Variants in EEFSEC observed in about 807,000 individuals in gnomAD.
The protein encoded by EEFSEC is eukaryotic elongation factor, selenocysteine-tRNA specific.
EEFSEC carries 43 observed loss-of-function variants against 42.1 expected under a neutral mutation model. That is an observed-to-expected ratio of 1.02 (90% CI 0.80 to 1.32). EEFSEC has a LOEUF of 1.32. Ranked by LOEUF, EEFSEC falls within the 40% of genes most tolerant of loss-of-function variation. The pLI is 0.00. For missense variants in EEFSEC, 745 were observed against 803.6 expected (o/e 0.93, Z 0.88); for synonymous variants, 354 against 339.1 (o/e 1.04, Z -0.48).
In EEFSEC at chr3:128,260,269, A is replaced by G. The variant is rs118108846; in HGVS notation, c.525-1859A>G. Among the ~76,000 whole-genome samples, 125 of 152,250 alleles carry G rather than the reference A, an allele frequency of 8.2e-4. 3 individuals are homozygous for G. The East Asian group carries it at 0.023, about 28-fold the overall frequency. On this transcript the variant is annotated intron_variant, in intron 2 of 6. Coordinates refer to ENST00000254730, the MANE Select transcript of EEFSEC (RefSeq NM_021937.5). The stretch of plus-strand genomic sequence containing the variant: ...CATGAGTTCAGTCGCTTCTTTCTTG[A>G]TGGCTTCAAGATTCTCTTTGTCTTT...
At chr3:128,394,469 A>G (rs78278710) in intron 6 of EEFSEC, among the ~76,000 whole-genome samples, 6,465 of 149,696 alleles carry the variant, frequency 0.043, 456 homozygotes, top group African/African-American at 0.15. Context: ...CATAAAAATG[A>G]CATTTTTAAT....
intron 4 of EEFSEC, among the ~76,000 whole-genome samples, chr3:128,320,566 C>A (rs1346803936): frequency 6.6e-6 from 1 of 152,190 alleles, no homozygotes; most frequent in African/African-American, 2.4e-5. Context: ...CCCAAGAAGT[C>A]TGACTTGAAA....
intron 4 of EEFSEC, among the ~76,000 whole-genome samples, chr3:128,276,324 A>G (rs1363558013): frequency 1.3e-5 from 2 of 152,204 alleles, no homozygotes; most frequent in African/African-American, 4.8e-5. Flanking sequence ...GAACCAAGGA[A>G]TTAACATTTG....
rs796457762 is a variant in EEFSEC, at chr3:128,222,058, G to A, written c.317-24778G>A. Among the ~76,000 whole-genome samples, 16 of 110,000 alleles carry A rather than the reference G, an allele frequency of 1.5e-4. No homozygotes were observed. In the South Asian group the frequency reaches 4.1e-3, roughly 28 times the overall value. 72.2% of individuals were successfully genotyped at this position (110,000 alleles called of 152,430 possible). A position where few individuals can be genotyped will look rare whatever the true frequency, so the allele number is the denominator to read the frequency against. On this transcript the variant is annotated intron_variant, in intron 1 of 6. Transcript: ENST00000254730. ...TTTTTTTTTTTTTTTTTTTGAGACA[G>A]AATCTCACTCTGTCACCCAGGCTGG...
At chr3:128,264,559 G>T in intron 3 of EEFSEC, 58 bp from the exon 4 acceptor site, 1 of 1,579,984 alleles carries the variant, frequency 6.3e-7, no homozygotes, top group Non-Finnish European at 8.6e-7. Context: ...GCCTTCCTCT[G>T]CCCTGCCCCA....
chr3:128,213,791 T>C (rs2065783076), intron 1 of EEFSEC, among the ~76,000 whole-genome samples: 1 of 152,202 alleles, frequency 6.6e-6, no homozygotes, highest in Non-Finnish European at 1.5e-5. Flanking sequence ...AGTTTTTGCT[T>C]TCTTTTTGGT....
chr3:128,334,146 G>A (rs1034910635), intron 4 of EEFSEC, among the ~76,000 whole-genome samples: 1 of 152,230 alleles, frequency 6.6e-6, no homozygotes, highest in African/African-American at 2.4e-5. Flanking sequence ...GACTGAACCT[G>A]CCTCTGCCAC....
intron 6 of EEFSEC, among the ~76,000 whole-genome samples, chr3:128,372,323 A>G (rs2067663356): frequency 6.6e-6 from 1 of 152,146 alleles, no homozygotes; most frequent in Non-Finnish European, 1.5e-5. Context: ...TGGCTTGGGC[A>G]GTTCTGTGGA....
At chr3:128,165,491 G>A (rs2065235033) in intron 1 of EEFSEC, among the ~76,000 whole-genome samples, 1 of 152,042 alleles carries the variant, frequency 6.6e-6, no homozygotes, top group African/African-American at 2.4e-5. Context: ...GCCTTTGTTG[G>A]GTGGGTAGGG....
intron 1 of EEFSEC, among the ~76,000 whole-genome samples, chr3:128,168,503 G>C (rs2065263722): frequency 6.6e-6 from 1 of 152,214 alleles, no homozygotes; most frequent in Admixed American, 6.5e-5. Flanking sequence ...GAGGCAAGAG[G>C]GTAGAGATTT....
At chr3:128,319,231 G>C (rs1048275832) in intron 4 of EEFSEC, among the ~76,000 whole-genome samples, 1 of 152,208 alleles carries the variant, frequency 6.6e-6, no homozygotes, top group African/African-American at 2.4e-5. Context: ...GAAGTAGCAG[G>C]CCAGCGGGCG....
intron 1 of EEFSEC, among the ~76,000 whole-genome samples, chr3:128,185,994 T>TA (rs2065461124): frequency 6.6e-6 from 1 of 152,214 alleles, no homozygotes; most frequent in Non-Finnish European, 1.5e-5. Flanking sequence ...AACTCTATGT[T>TA]ACCTTTATGA....
At chr3:128,363,097 G>A (rs2067547982) in intron 6 of EEFSEC, among the ~76,000 whole-genome samples, 1 of 152,236 alleles carries the variant, frequency 6.6e-6, no homozygotes, top group Non-Finnish European at 1.5e-5. Flanking sequence ...CAAAATGTGA[G>A]CTATGATGTA....
chr3:128,419,657 G>A, the EEFSEC span, among the ~76,000 whole-genome samples: 3 of 152,190 alleles, frequency 2.0e-5, no homozygotes, highest in South Asian at 2.1e-4. Context: ...GGAGGTGAGC[G>A]AGGGAAAGGT....
intron 4 of EEFSEC, among the ~76,000 whole-genome samples, chr3:128,283,806 G>A (rs2066554707): frequency 6.6e-6 from 1 of 152,162 alleles, no homozygotes; most frequent in African/African-American, 2.4e-5. Flanking sequence ...CCCCTGTTTT[G>A]TTTCCAGTCT....
At chr3:128,170,974 T>C (rs1391896410) in intron 1 of EEFSEC, among the ~76,000 whole-genome samples, 1 of 152,208 alleles carries the variant, frequency 6.6e-6, no homozygotes, top group East Asian at 1.9e-4. Flanking sequence ...GGGGACACTT[T>C]AGCAAGCACT....
chr3:128,335,285 T>C (rs1191547029), intron 4 of EEFSEC, among the ~76,000 whole-genome samples: 1 of 152,018 alleles, frequency 6.6e-6, no homozygotes, highest in African/African-American at 2.4e-5. Flanking sequence ...ATGCCAAGCG[T>C]TGGGAAGCTC....
intron 1 of EEFSEC, among the ~76,000 whole-genome samples, chr3:128,174,770 T>C (rs1230549525): frequency 2.6e-5 from 4 of 152,136 alleles, no homozygotes; most frequent in African/African-American, 9.7e-5. Context: ...AGGTAGACAC[T>C]TGGTAAATGG....
chr3:128,156,045 G>A (rs1944375555), intron 1 of EEFSEC, among the ~76,000 whole-genome samples: 1 of 152,204 alleles, frequency 6.6e-6, no homozygotes, highest in Non-Finnish European at 1.5e-5. Context: ...GAGGTGGAAG[G>A]CAGAGGTTAA....
Sources: allele counts gnomAD v4.1 joint callset (sites outside exome capture counted in the v4.1 genomes callset), GRCh38; gene constraint gnomAD v4.1.1; transcripts MANE v1.5; gene names NCBI Gene and HGNC (gene_info 2026-07-23, HGNC 2026-07-21).